CREB5: variants seen among roughly 807,000 people sequenced by gnomAD.
CREB5 encodes the protein cyclic AMP-responsive element-binding protein 5.
CREB5 carries 19 observed loss-of-function variants against 57.1 expected under a neutral mutation model. The ratio of observed to expected loss-of-function variants is 0.33; its 90% CI spans 0.23 to 0.49. CREB5 has a LOEUF of 0.49. Ranked by LOEUF, CREB5 falls within the 20% of genes least tolerant of loss-of-function variation. CREB5 has a pLI of 0.99. For missense variants in CREB5, 579 were observed against 671.6 expected (o/e 0.86, Z 1.52); for synonymous variants, 238 against 238.3 (o/e 1.00, Z 0.01).
chr7:28,547,050 T>C (rs991308602), intron 4 of CREB5, among the ~76,000 whole-genome samples: 4 of 152,258 alleles, frequency 2.6e-5, no homozygotes, highest in Non-Finnish European at 5.9e-5. Context: ...TGTTACTTGA[T>C]TGGTAACTTT....
At chr7:28,768,653 T>C (rs1233400472) in intron 7 of CREB5, among the ~76,000 whole-genome samples, 1 of 152,188 alleles carries the variant, frequency 6.6e-6, no homozygotes, top group South Asian at 2.1e-4. Context: ...AATTCTTGCA[T>C]AGGTTCTCTT....
chr7:28,800,801 A>C (rs911507352), intron 7 of CREB5, among the ~76,000 whole-genome samples: 1 of 152,172 alleles, frequency 6.6e-6, no homozygotes, highest in African/African-American at 2.4e-5. Flanking sequence ...TCCTCTTGTC[A>C]GCTCTTCTAG....
chr7:28,564,285 G>A (rs1370467924), intron 4 of CREB5, among the ~76,000 whole-genome samples: 2 of 152,138 alleles, frequency 1.3e-5, no homozygotes, highest in Non-Finnish European at 2.9e-5. Flanking sequence ...GCAGTTGGAT[G>A]GAATATAGAT....
Position 28,775,377 on chromosome 7 carries a change from G to A in CREB5, c.703-28822G>A, listed in dbSNP as rs957948321. ...TAATTTTTAAAAATTATTATTCAAT[G>A]TTGAAGACATACAGAACTGTATAAG... is the stretch of plus-strand genomic sequence containing the variant. On this transcript the variant is annotated intron_variant, in intron 7 of 10. Transcript: ENST00000357727. Among the ~76,000 whole-genome samples the A allele has an allele frequency of 9.1e-4, 138 of 151,854 alleles. 1 individual carries two copies. Among genetic ancestry groups the A allele is most frequent in the African/African-American group, 3.2e-3 (133 of 41,426 alleles).
At chr7:28,493,229 A>G (rs1355629593) in intron 2 of CREB5, among the ~76,000 whole-genome samples, 2 of 152,234 alleles carry the variant, frequency 1.3e-5, no homozygotes, top group Non-Finnish European at 1.5e-5. Flanking sequence ...GCTCTGAAAG[A>G]TTTCTAAATT....
rs553716824 is a variant in CREB5, at chr7:28,487,969, G to A, written c.4-206G>A. Reference sequence around the variant, plus strand: ...ACAGTCAGTATGCACTCGAGTAAAGGACAGTAGGAGCCCAGCCTAGGTGAG... The same window carrying A: ...ACAGTCAGTATGCACTCGAGTAAAGAACAGTAGGAGCCCAGCCTAGGTGAG... On this transcript the variant is annotated intron_variant, in intron 1 of 10. Coordinates refer to ENST00000357727, the MANE Select transcript of CREB5 (RefSeq NM_182898.4). Among the ~76,000 whole-genome samples the A allele has an allele frequency of 4.3e-4, 65 of 152,248 alleles. No homozygotes were observed. In the South Asian group the frequency reaches 0.012, roughly 27 times the overall value.
upstream of CREB5, among the ~76,000 whole-genome samples, chr7:28,411,647 G>A (rs921278128): frequency 6.6e-6 from 1 of 151,978 alleles, no homozygotes; most frequent in Admixed American, 6.6e-5. Context: ...GGAGAGAGGG[G>A]ATTGGAGTGG....
At chr7:28,800,872 T>C (rs1056478791) in intron 7 of CREB5, among the ~76,000 whole-genome samples, 3 of 152,222 alleles carry the variant, frequency 2.0e-5, no homozygotes, top group African/African-American at 7.2e-5. Context: ...ACACAGTTCA[T>C]TTCTCTCTTT....
intron 1 of CREB5, among the ~76,000 whole-genome samples, chr7:28,478,873 A>G (rs1015083429): frequency 1.3e-5 from 2 of 152,246 alleles, no homozygotes; most frequent in African/African-American, 2.4e-5. Flanking sequence ...CTGCAAGGGT[A>G]TGCTTATGCT....
intron 7 of CREB5, among the ~76,000 whole-genome samples, chr7:28,787,789 AG>A (rs1470852366): frequency 6.6e-6 from 1 of 152,192 alleles, no homozygotes. Context: ...CCTAGGCTCA[AG>A]CAATCTTCGC....
chr7:28,722,998 T>C (rs546967243), intron 6 of CREB5, among the ~76,000 whole-genome samples: 14 of 152,340 alleles, frequency 9.2e-5, no homozygotes, highest in African/African-American at 3.4e-4. Flanking sequence ...CAATGAGCCC[T>C]CTCAAGCTTC....
At chr7:28,578,084 A>C (rs1213508584) in intron 5 of CREB5, among the ~76,000 whole-genome samples, 2 of 152,196 alleles carry the variant, frequency 1.3e-5, no homozygotes, top group African/African-American at 4.8e-5. Flanking sequence ...TATTTGGGGA[A>C]TTATTTTGTG....
Position 28,369,609 on chromosome 7 carries a change from T to G in CREB5, c.-25+70168T>G, listed in dbSNP as rs113956868. On this transcript the variant is annotated intron_variant, in intron 1 of 9. Transcript: ENST00000396299. ...TTCAACTAACCGTAGTTGTGGTAGA[T>G]GCTGTTATCACCCCATCCGATTCCC... 2.3e-3 allele frequency among the ~76,000 whole-genome samples: 354 copies of G among 152,332 alleles called. 2 individuals are homozygous for G. Among genetic ancestry groups the G allele is most frequent in the African/African-American group, 8.3e-3 (346 of 41,582 alleles).
rs1269528818 is a variant in CREB5, at chr7:28,306,560, T to TG, written c.-25+7119_-25+7120insG. 5.9e-4 allele frequency among the ~76,000 whole-genome samples: 54 copies of TG among 91,496 alleles called. No homozygotes were observed. In the South Asian group the frequency reaches 0.01, roughly 17 times the overall value. 60.0% of individuals were successfully genotyped at this position (91,496 alleles called of 152,430 possible). A position where few individuals can be genotyped will look rare whatever the true frequency, so the allele number is the denominator to read the frequency against. Reference sequence around the variant, plus strand: ...GATACAGTTTTGTTTTTTTTGTTTTTTTTTTTTTTTTTTTTTTTGAGACGG... The same window carrying TG: ...GATACAGTTTTGTTTTTTTTGTTTTTGTTTTTTTTTTTTTTTTTTGAGACGG... On this transcript the variant is annotated intron_variant, in intron 1 of 9. Coordinates refer to the CREB5 transcript ENST00000396299.
At chr7:28,743,158 C>G (rs1804474158) in intron 7 of CREB5, among the ~76,000 whole-genome samples, 1 of 152,132 alleles carries the variant, frequency 6.6e-6, no homozygotes. Flanking sequence ...AGCTCATTGT[C>G]CCTGGTGATT....
chr7:28,349,496 A>G (rs1337606157), intron 1 of CREB5, among the ~76,000 whole-genome samples: 2 of 151,996 alleles, frequency 1.3e-5, no homozygotes, highest in Non-Finnish European at 2.9e-5. Flanking sequence ...AAGCCATGGC[A>G]TTGATTTCAG....
rs762346213 is a variant in CREB5, at chr7:28,818,142, A to T, written c.1326A>T (p.Pro442=). Reference sequence around the variant, plus strand: ...TGTTGTTAACACATAAAGACTGCCCAATAACAGCCATGCAGAAAGAATCAC... The same window carrying T: ...TGTTGTTAACACATAAAGACTGCCCTATAACAGCCATGCAGAAAGAATCAC... ...KQLLLTHKDC[P]ITAMQKESQG... The change falls in exon 10 of 11, where the codon CCA becomes CCT. Residue 442 remains proline, a synonymous_variant. Coordinates refer to ENST00000357727, the MANE Select transcript of CREB5 (RefSeq NM_182898.4). 3 of 1,613,534 alleles carry T rather than the reference A, an allele frequency of 1.9e-6. No homozygotes were observed. The African/African-American group carries it at 4.0e-5, about 22-fold the overall frequency.
At chr7:28,685,997 A>AG in intron 5 of CREB5, 1 of 725,042 alleles carries the variant, frequency 1.4e-6, no homozygotes, top group Admixed American at 2.5e-5. Context: ...CAAGTGAGCG[A>AG]GAGCCCAGCC....
chr7:28,559,562 G>A (rs976360841), intron 4 of CREB5, among the ~76,000 whole-genome samples: 4 of 145,854 alleles, frequency 2.7e-5, no homozygotes, highest in Non-Finnish European at 6.1e-5. Context: ...CAATCCGCCC[G>A]CCTCAGCCTC....
Sources: allele counts gnomAD v4.1 joint callset (sites outside exome capture counted in the v4.1 genomes callset), GRCh38; gene constraint gnomAD v4.1.1; transcripts MANE v1.5; gene names NCBI Gene and HGNC (gene_info 2026-07-23, HGNC 2026-07-21).